GAD1: variants seen among roughly 807,000 people sequenced by gnomAD.
GAD1 encodes the protein glutamate decarboxylase 1, also known as 67 kDa glutamic acid decarboxylase.
GAD1 carries 35 observed loss-of-function variants against 75.2 expected under a neutral mutation model. That is an observed-to-expected ratio of 0.47 (90% CI 0.36 to 0.62). GAD1 has a LOEUF of 0.62. GAD1 is among the 20% of genes least tolerant of loss of function. The probability of loss-of-function intolerance (pLI) is 0.00; values close to 1 mark genes in which losing one functional copy is unlikely to be tolerated. For synonymous variants in GAD1, 257 were observed against 271.9 expected, an observed-to-expected ratio of 0.95 and a Z score of 0.54; for missense variants, 490 against 758.5, an observed-to-expected ratio of 0.65 and a Z score of 4.16.
At chr2:170,852,649 C>T (rs1430876528) in intron 12 of GAD1, 65 bp from the exon 13 acceptor site, 2 of 1,396,902 alleles carry the variant, frequency 1.4e-6, no homozygotes, top group African/African-American at 1.4e-5. Flanking sequence ...GGGTGTTTTC[C>T]TCAAGAGAAC....
At position 170,829,536 on chromosome 2, in the gene GAD1, G is replaced by A. The variant is rs1184983581; in HGVS notation, c.207G>A (p.Glu69=). Residue 69 remains glutamate (E), a synonymous_variant, in exon 4 of 17, where the codon GAG becomes GAA. Transcript: ENST00000358196. ...EKSRLVSAFK[E]RQSSKNLLSC... ...GTCGCCTTGTGAGTGCCTTCAAGGA[G>A]AGGCAATCCTCCAAGAACCTGCTTT... 9 of 1,613,918 alleles carry A rather than the reference G, an allele frequency of 5.6e-6. No individual in the cohort carries two copies. The highest frequency in any genetic ancestry group is 7.6e-6 in the Non-Finnish European group (9 of 1,180,000).
intron 14 of GAD1, 62 bp downstream of exon 14, chr2:170,854,084 AAG>A: frequency 6.5e-7 from 1 of 1,537,552 alleles, no homozygotes; most frequent in Non-Finnish European, 9.0e-7. Flanking sequence ...TGGCTGGCAA[AAG>A]AGGGGCAAAG....
intron 3 of GAD1, among the ~76,000 whole-genome samples, chr2:170,827,942 A>G (rs1702062654): frequency 1.3e-5 from 2 of 152,122 alleles, no homozygotes; most frequent in African/African-American, 4.8e-5. Context: ...TTGCATTCAG[A>G]AAAATACCAC....
At chr2:170,856,320 T>C (rs1159462604) in intron 14 of GAD1, among the ~76,000 whole-genome samples, 1 of 152,260 alleles carries the variant, frequency 6.6e-6, no homozygotes, top group Non-Finnish European at 1.5e-5. Flanking sequence ...TATCAGGGCA[T>C]ATACTGAGAC....
chr2:170,826,429 G>A (rs539095488), intron 3 of GAD1, among the ~76,000 whole-genome samples: 3 of 152,016 alleles, frequency 2.0e-5, no homozygotes, highest in Non-Finnish European at 4.4e-5. Context: ...TTAGCCAGAC[G>A]TGGTGGTAGG....
chr2:170,851,004 ACT>A (rs1702734257), intron 12 of GAD1, among the ~76,000 whole-genome samples: 1 of 150,724 alleles, frequency 6.6e-6, no homozygotes, highest in Non-Finnish European at 1.5e-5. Flanking sequence ...ACAGAGCAAG[ACT>A]CTGTCTTAAA....
intron 3 of GAD1, chr2:170,829,118 ATCT>A (rs1329937837): frequency 2.7e-6 from 1 of 365,808 alleles, no homozygotes; most frequent in Non-Finnish European, 5.3e-6. Flanking sequence ...TGCTGGCAGC[ATCT>A]TCTCTGATTG....
chr2:170,833,765 G>A (rs60509185), intron 5 of GAD1, among the ~76,000 whole-genome samples: 26,449 of 152,198 alleles, frequency 0.17, 2,949 homozygotes, highest in South Asian at 0.34. Context: ...ATCCCATCAC[G>A]TTGGCAGGCT....
chr2:170,835,957 G>C (rs1334199166), intron 5 of GAD1, among the ~76,000 whole-genome samples: 2 of 151,998 alleles, frequency 1.3e-5, no homozygotes, highest in Non-Finnish European at 2.9e-5. Context: ...ATTTTGTGAG[G>C]GCTCTTAAGA....
chr2:170,819,507 T>A (rs1701807751), intron 2 of GAD1, among the ~76,000 whole-genome samples: 1 of 152,136 alleles, frequency 6.6e-6, no homozygotes, highest in African/African-American at 2.4e-5. Context: ...TGCTTCCCTG[T>A]CTTAAGTGCG....
intron 3 of GAD1, among the ~76,000 whole-genome samples, chr2:170,823,340 T>C (rs1321614680): frequency 1.3e-5 from 2 of 152,184 alleles, no homozygotes; most frequent in Non-Finnish European, 2.9e-5. Flanking sequence ...CGGTGGCAGT[T>C]TGCAGTCAGA....
intron 6 of GAD1, chr2:170,842,446 C>T (rs1205708499): frequency 2.1e-6 from 2 of 930,836 alleles, no homozygotes; most frequent in Admixed American, 1.7e-5. Context: ...TTCCAAAAAC[C>T]AGTGGAACCA....
chr2:170,840,806 A>G (rs1172223353), intron 6 of GAD1, among the ~76,000 whole-genome samples: 1 of 152,226 alleles, frequency 6.6e-6, no homozygotes, highest in Non-Finnish European at 1.5e-5. Context: ...ACACCAAAAA[A>G]GGGTAGAAAA....
chr2:170,823,800 G>A (rs928770763), intron 3 of GAD1, among the ~76,000 whole-genome samples: 2 of 151,518 alleles, frequency 1.3e-5, no homozygotes, highest in African/African-American at 4.8e-5. Flanking sequence ...CTGGGCAGCC[G>A]AGGACAGGGT....
intron 3 of GAD1, among the ~76,000 whole-genome samples, chr2:170,824,397 ACACACACACACACACAC>A (rs1367377869): frequency 1.6e-5 from 1 of 61,410 alleles, no homozygotes; most frequent in African/African-American, 3.7e-5. Flanking sequence ...ACACACACAC[ACACACACACACACACAC>A]ACACACCCCT....
chr2:170,825,619 A>G (rs1445124782), intron 3 of GAD1, among the ~76,000 whole-genome samples: 1 of 152,154 alleles, frequency 6.6e-6, no homozygotes, highest in Non-Finnish European at 1.5e-5. Context: ...ACACATACAC[A>G]TACACACTCT....
chr2:170,828,035 C>T (rs548702437), intron 3 of GAD1, among the ~76,000 whole-genome samples: 34 of 150,934 alleles, frequency 2.3e-4, no homozygotes, highest in African/African-American at 8.3e-4. Context: ...ACTACTTCTC[C>T]TTCTGCCATC....
chr2:170,828,742 CT>C (rs1702127896), intron 3 of GAD1, among the ~76,000 whole-genome samples: 1 of 148,042 alleles, frequency 6.8e-6, no homozygotes, highest in African/African-American at 2.5e-5. Context: ...ACCCTCCTCC[CT>C]CTGCTGTCCT....
chr2:170,849,072 G>A, intron 11 of GAD1: 1 of 625,394 alleles, frequency 1.6e-6, no homozygotes, highest in Non-Finnish European at 2.9e-6. Context: ...TATCACTTGT[G>A]CAGCTAAAGT....
Sources: allele counts gnomAD v4.1 joint callset (sites outside exome capture counted in the v4.1 genomes callset), GRCh38; gene constraint gnomAD v4.1.1; transcripts MANE v1.5; gene names NCBI Gene and HGNC (gene_info 2026-07-23, HGNC 2026-07-21).